Variants in GALNT17 observed in about 807,000 individuals in gnomAD.
GALNT17 encodes UDP-GalNAc:polypeptide N-acetylgalactosaminyltransferase-like 3.
Under a neutral mutation model 63.7 loss-of-function variants are expected in GALNT17, and 29 were observed. That is an observed-to-expected ratio of 0.46 (90% CI 0.34 to 0.62). GALNT17 has a LOEUF of 0.62. Ranked by LOEUF, GALNT17 falls within the 20% of genes least tolerant of loss-of-function variation. GALNT17 has a pLI of 0.01. For synonymous variants in GALNT17, 305 were observed against 318.3 expected (o/e 0.96, Z 0.45); for missense variants, 603 against 799.6 (o/e 0.75, Z 2.97).
At chr7:71,155,463 AG>A (rs1309070091) in intron 1 of GALNT17, among the ~76,000 whole-genome samples, 4 of 151,416 alleles carry the variant, frequency 2.6e-5, no homozygotes, top group Non-Finnish European at 5.9e-5. Context: ...TATTAGAGAG[AG>A]GGTTTCGCCA....
chr7:71,145,915 A>G (rs1788014401), intron 1 of GALNT17, among the ~76,000 whole-genome samples: 3 of 152,282 alleles, frequency 2.0e-5, no homozygotes, highest in Admixed American at 1.3e-4. Flanking sequence ...CATCTTGGCC[A>G]GGGTGGTCTC....
At chr7:71,352,188 A>C (rs1207006181) in intron 2 of GALNT17, among the ~76,000 whole-genome samples, 1 of 152,116 alleles carries the variant, frequency 6.6e-6, no homozygotes, top group African/African-American at 2.4e-5. Flanking sequence ...TATAAGGGGA[A>C]ACCCATTACA....
At chr7:71,504,212 G>T in intron 5 of GALNT17, among the ~76,000 whole-genome samples, 1 of 149,494 alleles carries the variant, frequency 6.7e-6, no homozygotes, top group Non-Finnish European at 1.5e-5. Context: ...GGGTGACAGA[G>T]CGAGACTCCA....
chr7:71,466,608 C>G (rs1352247613), intron 5 of GALNT17, among the ~76,000 whole-genome samples: 1 of 152,100 alleles, frequency 6.6e-6, no homozygotes, highest in Admixed American at 6.5e-5. Flanking sequence ...TTTTGTGGTC[C>G]AAAGAGAGAT....
chr7:71,560,076 C>G (rs1235467965), intron 5 of GALNT17, among the ~76,000 whole-genome samples: 1 of 150,754 alleles, frequency 6.6e-6, no homozygotes, highest in African/African-American at 2.4e-5. Flanking sequence ...TGCCTGTAAT[C>G]CCAGCTACTC....
intron 1 of GALNT17, among the ~76,000 whole-genome samples, chr7:71,204,646 A>G (rs1585879746): frequency 6.6e-6 from 1 of 151,008 alleles, no homozygotes; most frequent in Non-Finnish European, 1.5e-5. Flanking sequence ...GCTCACTGCA[A>G]CCTCCGCCTC....
chr7:71,660,526 T>C (rs947044969), intron 6 of GALNT17, among the ~76,000 whole-genome samples: 17 of 152,216 alleles, frequency 1.1e-4, no homozygotes, highest in Admixed American at 7.9e-4. Flanking sequence ...AACACTGATG[T>C]AGAGAATAGA....
intron 3 of GALNT17, 30 bp from the exon 4 acceptor site, chr7:71,415,858 AT>A (rs1469795213): frequency 6.4e-7 from 1 of 1,556,700 alleles, no homozygotes; most frequent in African/African-American, 1.4e-5. Context: ...TGACATGTTT[AT>A]AGACCTTCTT....
intron 3 of GALNT17, among the ~76,000 whole-genome samples, chr7:71,402,055 G>C (rs1434583161): frequency 2.0e-5 from 3 of 152,194 alleles, no homozygotes; most frequent in Non-Finnish European, 4.4e-5. Context: ...TAGCTATGTG[G>C]TCTTGGCCAA....
chr7:71,567,828 C>A (rs1789374668), intron 5 of GALNT17, among the ~76,000 whole-genome samples: 1 of 152,174 alleles, frequency 6.6e-6, no homozygotes, highest in African/African-American at 2.4e-5. Context: ...TCTTCGGTGG[C>A]AGCACCAGCG....
At chr7:71,234,972 G>C (rs967401688) in intron 1 of GALNT17, among the ~76,000 whole-genome samples, 1 of 152,068 alleles carries the variant, frequency 6.6e-6, no homozygotes, top group Non-Finnish European at 1.5e-5. Context: ...TCTGTTCAGC[G>C]GGGCGCGGTG....
In GALNT17 at chr7:71,132,215, A is replaced by G. The variant is rs1169025085; in HGVS notation, c.-588A>G. ...GCGGGCTTCCCCTCTGCCCGGCGCG[A>G]TGGAGCGGGTCGGTGAGCGGAACAA... On this transcript the variant is annotated 5_prime_UTR_variant, in exon 1 of 11. An upstream start codon of the reference 5' UTR is lost. Transcript: ENST00000333538. 1.3e-5 allele frequency: 2 copies of G among 152,214 alleles called. No homozygotes were observed. Among genetic ancestry groups the G allele is most frequent in the East Asian group, 2.0e-4 (1 of 5,118 alleles). The allele number at this position is 152,214 out of a possible 1,614,324, so 9.4% of individuals were successfully genotyped here.
At chr7:71,321,902 C>CCTCCCTTT (rs1791616473) in intron 1 of GALNT17, among the ~76,000 whole-genome samples, 1 of 70,006 alleles carries the variant, frequency 1.4e-5, no homozygotes, top group African/African-American at 6.0e-5. Flanking sequence ...TTCCTTCCTT[C>CCTCCCTTT]CTTCCTTCCT....
At chr7:71,146,013 G>GT (rs1242662642) in intron 1 of GALNT17, among the ~76,000 whole-genome samples, 11 of 151,574 alleles carry the variant, frequency 7.3e-5, no homozygotes, top group Admixed American at 2.6e-4. Context: ...GCCCGTATGG[G>GT]TTTTTTTTTA....
At chr7:71,248,467 T>G (rs558822633) in intron 1 of GALNT17, among the ~76,000 whole-genome samples, 2 of 152,312 alleles carry the variant, frequency 1.3e-5, no homozygotes, top group South Asian at 4.1e-4. Flanking sequence ...AAGGGTCAAC[T>G]GTACTGCGAC....
intron 1 of GALNT17, among the ~76,000 whole-genome samples, chr7:71,166,664 G>C (rs954146734): frequency 1.3e-5 from 2 of 152,054 alleles, no homozygotes; most frequent in Admixed American, 6.6e-5. Flanking sequence ...TGTATCCATC[G>C]TTTATTTACT....
chr7:71,240,327 A>G (rs908971838), intron 1 of GALNT17, among the ~76,000 whole-genome samples: 12 of 152,130 alleles, frequency 7.9e-5, no homozygotes, highest in Non-Finnish European at 1.6e-4. Flanking sequence ...GTTTGTTACA[A>G]CGGTTTATTG....
intron 1 of GALNT17, among the ~76,000 whole-genome samples, chr7:71,190,768 A>G (rs1377420084): frequency 6.6e-6 from 1 of 152,062 alleles, no homozygotes; most frequent in Non-Finnish European, 1.5e-5. Flanking sequence ...AGTATCAGGG[A>G]CTACAGGTGT....
intron 1 of GALNT17, among the ~76,000 whole-genome samples, chr7:71,184,939 A>ACTTCCTTC (rs1164312541): frequency 0.028 from 1,808 of 64,140 alleles, 35 homozygotes; most frequent in East Asian, 0.071. Flanking sequence ...TCCCTTCCTC[A>ACTTCCTTC]CTTCCTTCCT....
Sources: gnomAD v4.1 joint callset for allele counts (sites outside exome capture counted in the v4.1 genomes callset) on GRCh38, gnomAD v4.1.1 for gene constraint, MANE v1.5 for transcripts, NCBI Gene and HGNC (gene_info 2026-07-23, HGNC 2026-07-21) for gene names.